Variants in NSUN7 observed in about 807,000 individuals in gnomAD.
The protein encoded by NSUN7 is NOP2/Sun RNA methyltransferase family member 7.
NSUN7 carries 39 observed loss-of-function variants against 58.5 expected under a neutral mutation model. That is an observed-to-expected ratio of 0.67 (90% CI 0.52 to 0.87). NSUN7 has a LOEUF of 0.87. Among genes scored for constraint, NSUN7 ranks in the 40% least tolerant of loss-of-function variants. The pLI, the probability that NSUN7 is intolerant of heterozygous loss-of-function variation, is 0.00. For missense variants in NSUN7, 765 were observed against 844.1 expected, an observed-to-expected ratio of 0.91 and a Z score of 1.16; for synonymous variants, 278 against 303.7, an observed-to-expected ratio of 0.92 and a Z score of 0.88.
chr4:40,786,692 G>A (rs202128303), intron 7 of NSUN7: 103 of 1,576,364 alleles, frequency 6.5e-5, no homozygotes, highest in Non-Finnish European at 7.6e-5. Flanking sequence ...AAAATGTTGC[G>A]GCAACAGAAA....
In NSUN7 at chr4:40,808,334, A is replaced by T. The variant is rs114777059; in HGVS notation, c.1552A>T (p.Asn518Tyr). 158 of 1,613,738 alleles carry T rather than the reference A, an allele frequency of 9.8e-5. 1 individual carries two copies. The East Asian group carries it at 3.5e-3, about 35-fold the overall frequency. Residue 518 changes from asparagine to tyrosine, a missense_variant, in exon 12 of 12, where the codon AAT (asparagine) becomes TAT (tyrosine). Asn to Tyr is a moderately radical substitution (Grantham distance 143, BLOSUM62 -2). Transcript: ENST00000381782. ...GGACCCTTCTGAGACAGTGTCTGTGAATGATGTTTTGGCCCGAGCTGCAGC... is the reference window on the plus strand; with the variant it reads ...GGACCCTTCTGAGACAGTGTCTGTGTATGATGTTTTGGCCCGAGCTGCAGC... Reference protein sequence around the residue: ...ERDPSETVSVNDVLARAAAKG... With the variant: ...ERDPSETVSVYDVLARAAAKG...
At chr4:40,807,285 G>GT in intron 11 of NSUN7, 101 bp downstream of exon 11, 1 of 1,083,714 alleles carries the variant, frequency 9.2e-7, no homozygotes, top group Non-Finnish European at 1.3e-6. Flanking sequence ...GTAAAGATGT[G>GT]TTTGCATTTC....
At chr4:40,770,752 T>C (rs1741959363) in intron 4 of NSUN7, among the ~76,000 whole-genome samples, 1 of 152,174 alleles carries the variant, frequency 6.6e-6, no homozygotes, top group African/African-American at 2.4e-5. Flanking sequence ...ATCAATTTCA[T>C]TTAAAAATAA....
At chr4:40,792,505 A>C (rs954525294) in intron 8 of NSUN7, among the ~76,000 whole-genome samples, 1 of 152,172 alleles carries the variant, frequency 6.6e-6, no homozygotes, top group South Asian at 2.1e-4. Context: ...TAATCCCAGC[A>C]CTTTGGGAGG....
intron 7 of NSUN7, among the ~76,000 whole-genome samples, chr4:40,784,239 A>T (rs1440644606): frequency 6.6e-6 from 1 of 152,224 alleles, no homozygotes; most frequent in African/African-American, 2.4e-5. Flanking sequence ...TTAAACATAG[A>T]GTTACTATAT....
rs1322266519 is a variant in NSUN7, at chr4:40,809,927, G to A, written c.*988G>A. On this transcript the variant is annotated 3_prime_UTR_variant, in exon 12 of 12. Coordinates refer to ENST00000381782, the MANE Select transcript of NSUN7 (RefSeq NM_024677.6). Reference sequence around the variant, plus strand: ...AAAATTGGTATGATTATCATTTCTGGGTCTACTGATTTTTCATCATGGCAA... The same window carrying A: ...AAAATTGGTATGATTATCATTTCTGAGTCTACTGATTTTTCATCATGGCAA... The A allele has an allele frequency of 6.6e-6, 1 of 151,788 alleles. No individual in the cohort carries two copies. Among genetic ancestry groups the A allele is most frequent in the Non-Finnish European group, 1.5e-5 (1 of 67,934 alleles). The allele number at this position is 151,788 out of a possible 1,614,324, so 9.4% of individuals were successfully genotyped here.
chr4:40,774,305 A>G lies in NSUN7; in HGVS notation c.529A>G (p.Ile177Val), dbSNP rs759295867. 3.1e-6 allele frequency: 5 copies of G among 1,614,174 alleles called. No homozygotes were observed. The highest frequency in any genetic ancestry group is 4.2e-6 in the Non-Finnish European group (5 of 1,179,994). ...GGCTGCAGCATTGGCAAGATGTCGA[A>G]TCAAGCATGATGCCCTTTCAATTTA... ...KLAAALARCR[I>V]KHDALSIYHI... The change falls in exon 5 of 12, where the codon ATC becomes GTC. Residue 177 changes from isoleucine (I) to valine (V), a missense_variant. By Grantham distance (29) the Ile-to-Val change is conservative. Coordinates refer to ENST00000381782, the MANE Select transcript of NSUN7 (RefSeq NM_024677.6).
intron 10 of NSUN7, among the ~76,000 whole-genome samples, chr4:40,803,011 C>T (rs1006408975): frequency 1.8e-4 from 26 of 143,070 alleles, no homozygotes; most frequent in Admixed American, 8.1e-4. Flanking sequence ...TGTTCAATTC[C>T]CATCTATGAG....
chr4:40,759,888 A>G (rs1467747406), intron 2 of NSUN7, among the ~76,000 whole-genome samples: 2 of 152,150 alleles, frequency 1.3e-5, no homozygotes, highest in Non-Finnish European at 2.9e-5. Flanking sequence ...AAAAAATACA[A>G]AAATTAGCCA....
intron 10 of NSUN7, among the ~76,000 whole-genome samples, chr4:40,806,132 T>G (rs2154289553): frequency 6.6e-6 from 1 of 152,258 alleles, no homozygotes; most frequent in Non-Finnish European, 1.5e-5. Context: ...GTAGCTGGGA[T>G]TACAGGAGTC....
At chr4:40,807,490 C>T (rs1377303729) in intron 11 of NSUN7, among the ~76,000 whole-genome samples, 1 of 151,962 alleles carries the variant, frequency 6.6e-6, no homozygotes, top group African/African-American at 2.4e-5. Context: ...GCTGGGATTA[C>T]AGGCGTCCAC....
In NSUN7 at chr4:40,792,620, G is replaced by A. The variant is rs574642743; in HGVS notation, c.1181-1755G>A. Among the ~76,000 whole-genome samples the A allele has an allele frequency of 1.1e-4, 16 of 152,220 alleles. No individual in the cohort carries two copies. The South Asian group carries it at 1.4e-3, about 14-fold the overall frequency. On this transcript the variant is annotated intron_variant, in intron 8 of 11. Transcript: ENST00000381782. ...CAAAAAATTAGCCGGGCGAGGTGGC[G>A]GGCGCCTGTAGTCCCAGCTACTCGG...
intron 10 of NSUN7, among the ~76,000 whole-genome samples, chr4:40,805,332 G>C (rs1294458503): frequency 6.6e-6 from 1 of 152,126 alleles, no homozygotes; most frequent in Non-Finnish European, 1.5e-5. Flanking sequence ...GCGGGACTGA[G>C]GTCCTCGTCT....
intron 4 of NSUN7, among the ~76,000 whole-genome samples, chr4:40,766,522 A>G (rs998725836): frequency 2.6e-5 from 4 of 152,192 alleles, no homozygotes; most frequent in Non-Finnish European, 4.4e-5. Flanking sequence ...ATGTTCATCA[A>G]GGATATTGGT....
At chr4:40,753,616 C>A (rs999205278) in intron 2 of NSUN7, among the ~76,000 whole-genome samples, 2 of 152,124 alleles carry the variant, frequency 1.3e-5, no homozygotes, top group Non-Finnish European at 2.9e-5. Flanking sequence ...TTTCTTGAAA[C>A]GTTCGTTTTT....
intron 4 of NSUN7, among the ~76,000 whole-genome samples, chr4:40,766,833 T>G (rs1233662508): frequency 4.0e-5 from 6 of 150,904 alleles, no homozygotes; most frequent in Non-Finnish European, 7.4e-5. Context: ...GTCGAGGAAT[T>G]TATCCATTTC....
chr4:40,791,885 A>C (rs1372480527), intron 8 of NSUN7, among the ~76,000 whole-genome samples: 1 of 152,196 alleles, frequency 6.6e-6, no homozygotes, highest in Non-Finnish European at 1.5e-5. Flanking sequence ...AGAGGAAAAA[A>C]ACCAAGACTC....
At chr4:40,798,749 T>C (rs1382011451) in intron 9 of NSUN7, 38 bp from the exon 10 acceptor site, 1 of 1,138,304 alleles carries the variant, frequency 8.8e-7, no homozygotes, top group Non-Finnish European at 1.3e-6. Context: ...GGATTGTTAA[T>C]ATAGTTGTTA....
rs770989835 is a variant in NSUN7 at position 40,774,416 on chromosome 4, A to G, written c.640A>G (p.Ser214Gly). The change falls in exon 5 of 12, where the codon AGC (serine) becomes GGC (glycine). Residue 214 changes from serine to glycine, a missense_variant and splice_region_variant. By Grantham distance (56) the Ser-to-Gly change is moderately conservative. Transcript: ENST00000381782. ...TGCTTGGATAAATACTTGTAAAATC[A>G]GGTAAGTGTTTAAATCAAATTCTTT... ...LYAWINTCKI[S>G]PEEVYNNLKR... 5 of 1,612,208 alleles carry G rather than the reference A, an allele frequency of 3.1e-6. No homozygotes were observed. The South Asian group carries it at 5.5e-5, about 18-fold the overall frequency.
Sources: gnomAD v4.1 joint callset for allele counts (sites outside exome capture counted in the v4.1 genomes callset) on GRCh38, gnomAD v4.1.1 for gene constraint, MANE v1.5 for transcripts, NCBI Gene and HGNC (gene_info 2026-07-23, HGNC 2026-07-21) for gene names.